Variants in CTNNA2 observed in about 807,000 individuals in gnomAD.
The protein encoded by CTNNA2 is catenin alpha 2, also known as catenin alpha-2.
Under a neutral mutation model 101.0 loss-of-function variants are expected in CTNNA2, and 42 were observed. That is an observed-to-expected ratio of 0.42 (90% CI 0.32 to 0.54). The LOEUF is 0.54. Ranked by LOEUF, CTNNA2 falls within the 20% of genes least tolerant of loss-of-function variation. CTNNA2 has a pLI of 0.14. For synonymous variants in CTNNA2, 450 were observed against 456.4 expected (o/e 0.99, Z 0.18); for missense variants, 871 against 1,223.1 (o/e 0.71, Z 4.29).
intron 3 of CTNNA2, among the ~76,000 whole-genome samples, chr2:79,317,139 T>C (rs1356810039): frequency 6.6e-6 from 1 of 152,036 alleles, no homozygotes; most frequent in African/African-American, 2.4e-5. Flanking sequence ...GTTTGTAAAA[T>C]GCTCTTCCTG....
At chr2:80,267,791 C>T (rs1489540270) in intron 7 of CTNNA2, among the ~76,000 whole-genome samples, 6 of 152,160 alleles carry the variant, frequency 3.9e-5, no homozygotes, top group African/African-American at 1.4e-4. Context: ...GATGAGTGGA[C>T]AGAGGCTGTG....
At chr2:80,287,407 T>C (rs1335270821) in intron 7 of CTNNA2, among the ~76,000 whole-genome samples, 1 of 152,202 alleles carries the variant, frequency 6.6e-6, no homozygotes, top group Admixed American at 6.5e-5. Flanking sequence ...GTGAGGTCCA[T>C]AGACTGAATT....
chr2:80,616,606 T>A (rs1698875938), intron 17 of CTNNA2: 1 of 151,734 alleles, frequency 6.6e-6, no homozygotes, highest in African/African-American at 2.4e-5. Flanking sequence ...TAATGGAGTC[T>A]TGACTACTGA....
rs71385280 is a variant in CTNNA2, at chr2:79,532,815, A to ACT, written c.-6+19608_-6+19609insCT. Reference sequence around the variant, plus strand: ...CACCTGATTAATTTTTGAAGTTCTAATCTTGCTGAAAAAGCATTCAGTGTG... The same window carrying ACT: ...CACCTGATTAATTTTTGAAGTTCTAACTTCTTGCTGAAAAAGCATTCAGTGTG... On this transcript the variant is annotated intron_variant, in intron 1 of 18. Transcript: ENST00000402739. Among the ~76,000 whole-genome samples the ACT allele has an allele frequency of 1.8e-4, 28 of 151,532 alleles. No individual in the cohort carries two copies. The South Asian group carries it at 5.8e-3, about 31-fold the overall frequency.
At chr2:79,693,010 C>CT (rs1375184347) in intron 2 of CTNNA2, among the ~76,000 whole-genome samples, 1 of 151,520 alleles carries the variant, frequency 6.6e-6, no homozygotes, top group Admixed American at 6.6e-5. Flanking sequence ...TATCTCAGAA[C>CT]TTTAAGTATA....
chr2:80,005,536 C>T (rs1558720807), intron 7 of CTNNA2, among the ~76,000 whole-genome samples: 1 of 152,248 alleles, frequency 6.6e-6, no homozygotes, highest in African/African-American at 2.4e-5. Flanking sequence ...TGGTAGAAAT[C>T]TTGGTTTTGG....
intron 1 of CTNNA2, among the ~76,000 whole-genome samples, chr2:79,615,169 C>G (rs760708005): frequency 6.6e-6 from 1 of 151,960 alleles, no homozygotes; most frequent in Non-Finnish European, 1.5e-5. Context: ...AACCAAAGTG[C>G]CTTTTAATTA....
chr2:79,324,157 G>A (rs532212595), intron 3 of CTNNA2, among the ~76,000 whole-genome samples: 19 of 152,256 alleles, frequency 1.2e-4, no homozygotes, highest in South Asian at 4.1e-4. Context: ...ACATAATGAC[G>A]CTTGGATAGA....
chr2:79,514,455 G>T (rs1015601404), intron 1 of CTNNA2, among the ~76,000 whole-genome samples: 1 of 152,138 alleles, frequency 6.6e-6, no homozygotes, highest in African/African-American at 2.4e-5. Flanking sequence ...AATTAGCTTC[G>T]GAACCATTGT....
At chr2:79,226,625 ATTTCTTATTAT>A (rs1343748181) in intron 2 of CTNNA2, among the ~76,000 whole-genome samples, 1 of 152,094 alleles carries the variant, frequency 6.6e-6, no homozygotes, top group East Asian at 1.9e-4. Flanking sequence ...CAATCAATAT[ATTTCTTATTAT>A]TTCCCTTTTT....
intron 7 of CTNNA2, among the ~76,000 whole-genome samples, chr2:79,962,846 C>T (rs796177819): frequency 1.6e-4 from 24 of 152,026 alleles, no homozygotes; most frequent in East Asian, 3.9e-4. Context: ...CCGAGGCGGG[C>T]GGATCACGAG....
chr2:80,125,999 G>A lies in CTNNA2; in HGVS notation c.1056+216202G>A, dbSNP rs749086934. Among the ~76,000 whole-genome samples, 4 of 152,118 alleles carry A rather than the reference G, an allele frequency of 2.6e-5. 1 individual carries two copies. Among genetic ancestry groups the A allele is most frequent in the East Asian group, 3.9e-4 (2 of 5,156 alleles). On this transcript the variant is annotated intron_variant, in intron 7 of 18. Coordinates refer to ENST00000402739, the MANE Select transcript of CTNNA2 (RefSeq NM_001282597.3). ...TGGAAAGTGCTTAGTACTATAACTCGCACTCAGCCATCTATCTCTATAAAT... is the reference window on the plus strand; with the variant it reads ...TGGAAAGTGCTTAGTACTATAACTCACACTCAGCCATCTATCTCTATAAAT...
chr2:79,534,151 T>A (rs1025611730), intron 1 of CTNNA2, among the ~76,000 whole-genome samples: 1 of 152,224 alleles, frequency 6.6e-6, no homozygotes, highest in African/African-American at 2.4e-5. Flanking sequence ...ATGGTTGTAG[T>A]CATAGAATAC....
intron 1 of CTNNA2, among the ~76,000 whole-genome samples, chr2:79,621,090 G>T (rs62140094): frequency 0.045 from 6,864 of 152,240 alleles, 219 homozygotes; most frequent in Non-Finnish European, 0.065. Context: ...ACATGTGTGG[G>T]TAAAAGTGGC....
intron 4 of CTNNA2, among the ~76,000 whole-genome samples, chr2:79,436,307 C>T (rs1678712926): frequency 1.3e-5 from 2 of 152,180 alleles, no homozygotes; most frequent in South Asian, 2.1e-4. Context: ...TATTTGGAGG[C>T]AGTCACAAGA....
intron 7 of CTNNA2, among the ~76,000 whole-genome samples, chr2:80,338,496 T>C (rs1671957892): frequency 6.6e-6 from 1 of 152,082 alleles, no homozygotes; most frequent in Admixed American, 6.5e-5. Flanking sequence ...ACAAATAATA[T>C]CAAGTTGTTG....
chr2:80,466,141 T>C lies in CTNNA2; in HGVS notation c.1290+46540T>C, dbSNP rs148619140. ...TTATATTGTAATTGCCACATTTCTG[T>C]TGTGATATTGATTTGGAAAACTCAT... is the stretch of plus-strand genomic sequence containing the variant. On this transcript the variant is annotated intron_variant, in intron 9 of 18. Transcript: ENST00000402739. Among the ~76,000 whole-genome samples the C allele has an allele frequency of 7.3e-3, 1,115 of 152,312 alleles. 14 individuals carry two copies. The highest frequency in any genetic ancestry group is 0.024 in the African/African-American group (1,018 of 41,568).
chr2:80,538,237 T>C (rs1227611867), intron 9 of CTNNA2, among the ~76,000 whole-genome samples: 1 of 152,204 alleles, frequency 6.6e-6, no homozygotes, highest in Non-Finnish European at 1.5e-5. Context: ...TTAGATCCAA[T>C]TTGTCAATTT....
intron 3 of CTNNA2, among the ~76,000 whole-genome samples, chr2:79,766,103 A>T (rs1673133288): frequency 6.6e-6 from 1 of 152,130 alleles, no homozygotes; most frequent in Non-Finnish European, 1.5e-5. Context: ...TTCTTTGTGT[A>T]CTTATTGTTA....
Sources: allele counts gnomAD v4.1 joint callset (sites outside exome capture counted in the v4.1 genomes callset), GRCh38; gene constraint gnomAD v4.1.1; transcripts MANE v1.5; gene names NCBI Gene and HGNC (gene_info 2026-07-23, HGNC 2026-07-21).